The following ABCC4 variants were observed in gnomAD, a reference collection of about 807,000 sequenced individuals.
ABCC4 encodes ATP-binding cassette sub-family C member 4.
Under a neutral mutation model 168.5 loss-of-function variants are expected in ABCC4, and 102 were observed. The observed-to-expected ratio is 0.61, with a 90% CI of 0.52 to 0.71. ABCC4 has a LOEUF of 0.71. ABCC4 is among the 30% of genes least tolerant of loss of function. ABCC4 has a pLI of 0.00. For missense variants in ABCC4, 1,402 were observed against 1,605.8 expected (o/e 0.87, Z 2.17); for synonymous variants, 617 against 590.7 (o/e 1.04, Z -0.65).
intron 19 of ABCC4, among the ~76,000 whole-genome samples, chr13:95,154,111 T>A (rs1424979271): frequency 6.6e-6 from 1 of 152,248 alleles, no homozygotes; most frequent in Non-Finnish European, 1.5e-5. Flanking sequence ...AGAATCATTA[T>A]GATTGATGCA....
intron 19 of ABCC4, among the ~76,000 whole-genome samples, chr13:95,142,577 T>C (rs1400033195): frequency 1.3e-5 from 2 of 150,658 alleles, no homozygotes; most frequent in African/African-American, 2.4e-5. Flanking sequence ...CAATAGCCTA[T>C]GGAAATAAAA....
intron 1 of ABCC4, among the ~76,000 whole-genome samples, chr13:95,257,638 G>A (rs1206089750): frequency 6.7e-6 from 1 of 149,810 alleles, no homozygotes; most frequent in African/African-American, 2.5e-5. Flanking sequence ...ACTCCTGCCT[G>A]GGCAACAGAG....
chr13:95,278,657 C>T (rs973775129), intron 1 of ABCC4, among the ~76,000 whole-genome samples: 1 of 151,824 alleles, frequency 6.6e-6, no homozygotes, highest in African/African-American at 2.4e-5. Context: ...ATTAGCCAGG[C>T]ATGGTGGTGC....
intron 20 of ABCC4, among the ~76,000 whole-genome samples, chr13:95,087,233 A>G (rs376440544): frequency 1.3e-5 from 2 of 152,314 alleles, no homozygotes; most frequent in East Asian, 3.9e-4. Context: ...ACAACAAACA[A>G]ACAAAAAACT....
chr13:95,202,010 C>T (rs909453727), intron 8 of ABCC4, among the ~76,000 whole-genome samples: 12 of 152,182 alleles, frequency 7.9e-5, no homozygotes, highest in African/African-American at 2.9e-4. Context: ...TTTTATGTGT[C>T]AGCTTGGCTA....
At chr13:95,089,420 C>G (rs146249435) in intron 20 of ABCC4, among the ~76,000 whole-genome samples, 27 of 152,206 alleles carry the variant, frequency 1.8e-4, no homozygotes, top group South Asian at 8.3e-4. Flanking sequence ...GAGTTTGAGA[C>G]CAGCCTGGCC....
chr13:95,154,640 T>C (rs1399555215), intron 19 of ABCC4, among the ~76,000 whole-genome samples: 2 of 152,246 alleles, frequency 1.3e-5, no homozygotes, highest in African/African-American at 4.8e-5. Context: ...AATGGTGCTG[T>C]GTCAAAACAA....
intron 1 of ABCC4, among the ~76,000 whole-genome samples, chr13:95,258,671 G>A (rs1020530917): frequency 3.3e-5 from 5 of 152,022 alleles, no homozygotes; most frequent in South Asian, 2.1e-4. Context: ...TCAAAACTGC[G>A]GGGTGAACGA....
At chr13:95,288,023 C>G (rs536271886) in intron 1 of ABCC4, among the ~76,000 whole-genome samples, 2 of 152,086 alleles carry the variant, frequency 1.3e-5, no homozygotes, top group Admixed American at 1.3e-4. Flanking sequence ...GCCTGGGCAA[C>G]GGAGTGAGAC....
intron 19 of ABCC4, among the ~76,000 whole-genome samples, chr13:95,142,213 C>G (rs1291533334): frequency 6.6e-6 from 1 of 152,060 alleles, no homozygotes; most frequent in Non-Finnish European, 1.5e-5. Flanking sequence ...GATAAAGAAA[C>G]CGTGGAATAT....
rs1566375296 is a variant in ABCC4, at chr13:95,054,020, C to CTTTT, written c.3367-837_3367-836insAAAA. On this transcript the variant is annotated intron_variant, in intron 26 of 30. Transcript: ENST00000645237. ...TCTCTCCAATGTCAGAATGGGACAT[C>CTTTT]CTTTTTTTTTTTTTTTTTTTTTTTT... 2.0e-4 allele frequency: 15 copies of CTTTT among 73,186 alleles called. 1 individual carries two copies. Among genetic ancestry groups the CTTTT allele is most frequent in the South Asian group, 4.2e-4 (1 of 2,370 alleles). 4.5% of individuals were successfully genotyped at this position (73,186 alleles called of 1,614,324 possible). A position where few individuals can be genotyped will look rare whatever the true frequency, so the allele number is the denominator to read the frequency against.
chr13:95,095,840 G>A, intron 20 of ABCC4: 1 of 281,644 alleles, frequency 3.6e-6, no homozygotes, highest in Non-Finnish European at 6.5e-6. Context: ...AGTACAGAAG[G>A]AAGGTATCTG....
At chr13:95,166,416 T>C (rs2037274140) in intron 14 of ABCC4, 49 bp from the exon 15 acceptor site, 1 of 1,469,344 alleles carries the variant, frequency 6.8e-7, no homozygotes, top group Non-Finnish European at 9.4e-7. Flanking sequence ...CAGGTGATAA[T>C]GTTAACCTAA....
chr13:95,041,804 G>A (rs1023727444), intron 29 of ABCC4, among the ~76,000 whole-genome samples: 1 of 152,224 alleles, frequency 6.6e-6, no homozygotes, highest in Non-Finnish European at 1.5e-5. Flanking sequence ...TACAGGAGAT[G>A]CTTTCAGCTA....
intron 3 of ABCC4, among the ~76,000 whole-genome samples, chr13:95,245,049 G>C (rs1053215799): frequency 1.3e-5 from 2 of 152,076 alleles, no homozygotes; most frequent in Admixed American, 1.3e-4. Flanking sequence ...AGAAATTCAC[G>C]CTTCTACAGC....
chr13:95,225,153 T>TCACACACACA (rs61398515), intron 4 of ABCC4, among the ~76,000 whole-genome samples: 2 of 35,224 alleles, frequency 5.7e-5, no homozygotes, highest in African/African-American at 1.3e-4. Context: ...TCTCTCTCTC[T>TCACACACACA]CACACACACA....
chr13:95,114,771 A>T lies in ABCC4; in HGVS notation c.2535+1151T>A, dbSNP rs1018652838. 2.0e-5 allele frequency among the ~76,000 whole-genome samples: 3 copies of T among 152,188 alleles called. No individual in the cohort carries two copies. The South Asian group carries it at 6.2e-4, about 32-fold the overall frequency. The stretch of plus-strand genomic sequence containing the variant: ...CAAGCCTATGACTGATTTTTCTTAC[A>T]TAGCTAATTTTCCAAATTAAGTAAT... On this transcript the variant is annotated intron_variant, in intron 20 of 30. Coordinates refer to ENST00000645237, the MANE Select transcript of ABCC4 (RefSeq NM_005845.5).
At chr13:95,136,288 G>T (rs929059000) in intron 19 of ABCC4, among the ~76,000 whole-genome samples, 1 of 151,984 alleles carries the variant, frequency 6.6e-6, no homozygotes, top group Non-Finnish European at 1.5e-5. Flanking sequence ...CCAAGTAGCT[G>T]GGACTACAGG....
intron 20 of ABCC4, among the ~76,000 whole-genome samples, chr13:95,105,209 G>T (rs998532100): frequency 2.0e-5 from 3 of 151,944 alleles, no homozygotes; most frequent in Non-Finnish European, 2.9e-5. Flanking sequence ...CACAGGGTTC[G>T]TGCTCCTATG....
Sources: allele counts gnomAD v4.1 joint callset (sites outside exome capture counted in the v4.1 genomes callset), GRCh38; gene constraint gnomAD v4.1.1; transcripts MANE v1.5; gene names NCBI Gene and HGNC (gene_info 2026-07-23, HGNC 2026-07-21).